SHOC2: variants seen among roughly 807,000 people sequenced by gnomAD.
The protein encoded by SHOC2 is SHOC2 leucine rich repeat scaffold protein.
In SHOC2, 4 loss-of-function variants were observed where a neutral mutation model predicts 50.2. The ratio of observed to expected loss-of-function variants is 0.08; its 90% CI spans 0.04 to 0.18. The LOEUF (loss-of-function observed/expected upper bound fraction) is 0.18. Among genes scored for constraint, SHOC2 ranks in the 10% least tolerant of loss-of-function variants. The pLI is 1.00. For missense variants in SHOC2, 388 were observed against 669.6 expected, an observed-to-expected ratio of 0.58 and a Z score of 4.64; for synonymous variants, 218 against 244.5, an observed-to-expected ratio of 0.89 and a Z score of 1.01.
At chr10:110,933,333 T>C (rs947318613) in intron 1 of SHOC2, among the ~76,000 whole-genome samples, 15 of 152,240 alleles carry the variant, frequency 9.9e-5, no homozygotes, top group African/African-American at 3.6e-4. Flanking sequence ...TAACACTTTA[T>C]GTTCTTCTAG....
intron 2 of SHOC2, among the ~76,000 whole-genome samples, chr10:110,969,372 G>C (rs1350829900): frequency 6.6e-6 from 1 of 152,130 alleles, no homozygotes; most frequent in South Asian, 2.1e-4. Context: ...TTTCCCAACT[G>C]ATTGGTTCCT....
intron 3 of SHOC2, chr10:110,988,853 T>C (rs1256857837): frequency 2.2e-6 from 1 of 452,586 alleles, no homozygotes; most frequent in Non-Finnish European, 4.5e-6. Context: ...ATCCCACAAA[T>C]TCTGATATGT....
At chr10:110,985,062 C>G (rs1253434146) in intron 2 of SHOC2, among the ~76,000 whole-genome samples, 1 of 152,082 alleles carries the variant, frequency 6.6e-6, no homozygotes, top group African/African-American at 2.4e-5. Context: ...AGAAGATTAT[C>G]TTGATCCATT....
rs774065165 is a variant in SHOC2 at position 110,999,582 on chromosome 10, C to CA, written c.842-828dup. Among the ~76,000 whole-genome samples, 27 of 151,654 alleles carry CA rather than the reference C, an allele frequency of 1.8e-4. 1 individual carries two copies. In the South Asian group the frequency reaches 1.9e-3, roughly 11 times the overall value. Reference sequence around the variant, plus strand: ...TGAAACCCCGTCTGTACTAAAAATACAAAAATTAGCTGGGTATGGTGGTGG... The same window carrying CA: ...TGAAACCCCGTCTGTACTAAAAATACAAAAAATTAGCTGGGTATGGTGGTGG... On this transcript the variant is annotated intron_variant, in intron 3 of 8. Coordinates refer to ENST00000369452, the MANE Select transcript of SHOC2 (RefSeq NM_007373.4).
chr10:110,948,874 A>C (rs1847297691), intron 1 of SHOC2, among the ~76,000 whole-genome samples: 1 of 152,214 alleles, frequency 6.6e-6, no homozygotes, highest in African/African-American at 2.4e-5. Flanking sequence ...GATGGCTTTG[A>C]ATGTGACCCA....
chr10:110,937,181 C>T (rs534844750), intron 1 of SHOC2: 30 of 1,539,670 alleles, frequency 1.9e-5, no homozygotes, highest in African/African-American at 5.4e-5. Context: ...GGTCGCCAGG[C>T]GGCCCAGGAG....
At chr10:110,924,555 TTAA>T (rs779290031) in intron 1 of SHOC2, among the ~76,000 whole-genome samples, 17 of 152,316 alleles carry the variant, frequency 1.1e-4, no homozygotes, top group Non-Finnish European at 1.8e-4. Flanking sequence ...TGTATTATTA[TTAA>T]TAATAATATT....
rs762774711 is a variant in SHOC2 at position 110,937,237 on chromosome 10, C to T, written c.-235+17580C>T. The T allele has an allele frequency of 2.2e-4, 243 of 1,117,030 alleles. No individual in the cohort carries two copies. The Middle Eastern group carries it at 2.8e-3, about 13-fold the overall frequency. 69.2% of individuals were successfully genotyped at this position (1,117,030 alleles called of 1,614,324 possible). Reference sequence around the variant, plus strand: ...CCAGGACCTGCACCTCTGCCATCTTCGGCTGCCCCTTGGGAAAGCTGCTTT... The same window carrying T: ...CCAGGACCTGCACCTCTGCCATCTTTGGCTGCCCCTTGGGAAAGCTGCTTT... On this transcript the variant is annotated intron_variant, in intron 1 of 8. Coordinates refer to ENST00000369452, the MANE Select transcript of SHOC2 (RefSeq NM_007373.4).
At chr10:110,989,961 T>C (rs1564724044) in intron 3 of SHOC2, among the ~76,000 whole-genome samples, 1 of 152,188 alleles carries the variant, frequency 6.6e-6, no homozygotes, top group African/African-American at 2.4e-5. Flanking sequence ...AATATGTATC[T>C]GTAAGTTTGG....
At chr10:110,931,280 G>A (rs575848533) in intron 1 of SHOC2, among the ~76,000 whole-genome samples, 14 of 152,190 alleles carry the variant, frequency 9.2e-5, no homozygotes, top group Admixed American at 5.2e-4. Context: ...GTGGACAGCC[G>A]TTAGCCTCTA....
At chr10:110,933,506 A>G (rs1361270249) in intron 1 of SHOC2, among the ~76,000 whole-genome samples, 1 of 152,252 alleles carries the variant, frequency 6.6e-6, no homozygotes, top group African/African-American at 2.4e-5. Context: ...CTAGGATACT[A>G]AACTTCAATT....
chr10:110,947,291 C>T (rs907059731), intron 1 of SHOC2, among the ~76,000 whole-genome samples: 6 of 152,244 alleles, frequency 3.9e-5, no homozygotes, highest in African/African-American at 7.2e-5. Context: ...CCCATCCTTG[C>T]GGATCCAGTA....
intron 3 of SHOC2, among the ~76,000 whole-genome samples, chr10:110,995,694 C>A (rs1375100820): frequency 1.3e-5 from 2 of 152,134 alleles, no homozygotes; most frequent in East Asian, 1.9e-4. Flanking sequence ...TTTTTCATTT[C>A]TTTTTATCAA....
intron 1 of SHOC2, among the ~76,000 whole-genome samples, chr10:110,945,178 A>C (rs1847223361): frequency 6.6e-6 from 1 of 152,226 alleles, no homozygotes; most frequent in Non-Finnish European, 1.5e-5. Context: ...AATTTTTTTC[A>C]ATGAATATCT....
chr10:111,000,761 G>A (rs1170798715), intron 4 of SHOC2, among the ~76,000 whole-genome samples: 1 of 152,010 alleles, frequency 6.6e-6, no homozygotes, highest in African/African-American at 2.4e-5. Context: ...TTTTTTTAAT[G>A]TAAAGAAAAA....
chr10:110,970,191 C>T (rs1847752468), intron 2 of SHOC2, among the ~76,000 whole-genome samples: 1 of 152,160 alleles, frequency 6.6e-6, no homozygotes, highest in Non-Finnish European at 1.5e-5. Flanking sequence ...CTCTCCCCAT[C>T]CCGCTGCTCC....
At chr10:111,000,864 A>G (rs1379609906) in intron 4 of SHOC2, among the ~76,000 whole-genome samples, 1 of 152,158 alleles carries the variant, frequency 6.6e-6, no homozygotes, top group African/African-American at 2.4e-5. Context: ...CAGTAAAGGT[A>G]TTAAGGAAAA....
intron 1 of SHOC2, among the ~76,000 whole-genome samples, chr10:110,944,622 T>C (rs1359849): frequency 0.74 from 112,660 of 152,130 alleles, 41,980 homozygotes; most frequent in East Asian, 0.84. Context: ...TGGAGACTTA[T>C]AATAAAATAA....
chr10:110,981,854 A>ATTTATTTT (rs1847982738), intron 2 of SHOC2, among the ~76,000 whole-genome samples: 1 of 1,256 alleles, frequency 8.0e-4, no homozygotes, highest in Admixed American at 0.013. Context: ...TTATTTATTT[A>ATTTATTTT]TTTATTTATT....
Sources: allele counts gnomAD v4.1 joint callset (sites outside exome capture counted in the v4.1 genomes callset), GRCh38; gene constraint gnomAD v4.1.1; transcripts MANE v1.5; gene names NCBI Gene and HGNC (gene_info 2026-07-23, HGNC 2026-07-21).